The following FAM184A variants were observed in gnomAD, a reference collection of about 807,000 sequenced individuals.
FAM184A encodes the protein protein FAM184A.
A neutral mutation model predicts 143.8 loss-of-function variants in FAM184A; 99 were observed. The ratio of observed to expected loss-of-function variants is 0.69; its 90% CI spans 0.58 to 0.81. The LOEUF (loss-of-function observed/expected upper bound fraction) is 0.81, where lower values mean the gene tolerates loss of function less well. FAM184A is among the 40% of genes least tolerant of loss of function. The pLI is 0.00. For missense variants in FAM184A, 1,217 were observed against 1,310.5 expected, an observed-to-expected ratio of 0.93 and a Z score of 1.10; for synonymous variants, 427 against 446.4, an observed-to-expected ratio of 0.96 and a Z score of 0.55.
Position 119,042,306 on chromosome 6 carries a change from C to G in FAM184A, c.160-17493G>C, listed in dbSNP as rs530552059. Among the ~76,000 whole-genome samples the G allele has an allele frequency of 2.0e-5, 3 of 152,318 alleles. No individual in the cohort carries two copies. In the South Asian group the frequency reaches 6.2e-4, roughly 32 times the overall value. ...TCCTCTGTTCTCTCTTCACAAGTGGCAGATGGGTAATCATGTGTCCACACT... is the reference window on the plus strand; with the variant it reads ...TCCTCTGTTCTCTCTTCACAAGTGGGAGATGGGTAATCATGTGTCCACACT... On this transcript the variant is annotated intron_variant, in intron 1 of 17. Transcript: ENST00000338891.
intron 14 of FAM184A, among the ~76,000 whole-genome samples, chr6:118,967,409 G>A (rs1783533676): frequency 6.6e-6 from 1 of 152,108 alleles, no homozygotes; most frequent in African/African-American, 2.4e-5. Context: ...AAATACAGAT[G>A]AAAGCAAAAC....
At chr6:118,978,741 G>A (rs1374228384) in intron 11 of FAM184A, among the ~76,000 whole-genome samples, 1 of 151,148 alleles carries the variant, frequency 6.6e-6, no homozygotes, top group African/African-American at 2.4e-5. Flanking sequence ...ATGACAACAT[G>A]TTAAAAATAT....
At chr6:119,049,714 C>G (rs757474099) in intron 1 of FAM184A, among the ~76,000 whole-genome samples, 23 of 152,176 alleles carry the variant, frequency 1.5e-4, no homozygotes, top group South Asian at 8.3e-4. Context: ...AATGTAAAAC[C>G]CAAAACTATA....
chr6:119,020,834 C>T (rs888478626), intron 3 of FAM184A, among the ~76,000 whole-genome samples: 1 of 152,036 alleles, frequency 6.6e-6, no homozygotes, highest in South Asian at 2.1e-4. Flanking sequence ...TGCAACATAG[C>T]GAGACCTCAT....
intron 1 of FAM184A, among the ~76,000 whole-genome samples, chr6:119,125,740 T>A (rs1789346788): frequency 6.6e-6 from 1 of 152,152 alleles, no homozygotes; most frequent in South Asian, 2.1e-4. Flanking sequence ...AGTGGACCAA[T>A]AGGTCAACTT....
intron 9 of FAM184A, among the ~76,000 whole-genome samples, chr6:118,980,863 T>G (rs559642157): frequency 1.3e-5 from 2 of 152,340 alleles, no homozygotes; most frequent in African/African-American, 4.8e-5. Flanking sequence ...GACTCTGGCA[T>G]GTACTAAGCA....
At chr6:118,973,180 C>G (rs1250815819) in intron 14 of FAM184A, among the ~76,000 whole-genome samples, 1 of 152,130 alleles carries the variant, frequency 6.6e-6, no homozygotes, top group Admixed American at 6.5e-5. Context: ...ACAGCATACT[C>G]AAGTAAATAA....
intron 1 of FAM184A, among the ~76,000 whole-genome samples, chr6:119,034,579 T>TA (rs200951968): frequency 0.1 from 10,309 of 100,922 alleles, 605 homozygotes; most frequent in African/African-American, 0.2. Flanking sequence ...TTTTTTTTTT[T>TA]TAAAAAAACC....
At position 118,991,855 on chromosome 6, in the gene FAM184A, C is replaced by G. The variant is rs74383342; in HGVS notation, c.2088+11044G>C. Among the ~76,000 whole-genome samples, 3 of 143,508 alleles carry G rather than the reference C, an allele frequency of 2.1e-5. No homozygotes were observed. In the East Asian group the frequency reaches 6.6e-4, roughly 31 times the overall value. The allele number at this position is 143,508 out of a possible 152,430, so 94.1% of individuals were successfully genotyped here. A position where few individuals can be genotyped will look rare whatever the true frequency, so the allele number is the denominator to read the frequency against. On this transcript the variant is annotated intron_variant, in intron 9 of 17. Transcript: ENST00000338891. ...TCGGCTCTCTGCAAGCTCCGCCTCCCGGGTTCATGTCATTCTCCTGCCTCA... is the reference window on the plus strand; with the variant it reads ...TCGGCTCTCTGCAAGCTCCGCCTCCGGGGTTCATGTCATTCTCCTGCCTCA...
At chr6:118,975,284 G>T in intron 12 of FAM184A, 76 bp from the exon 13 acceptor site, 1 of 1,024,934 alleles carries the variant, frequency 9.8e-7, no homozygotes, top group South Asian at 1.7e-5. Flanking sequence ...GAAAGAAAAT[G>T]ACACACTGGA....
At chr6:119,057,794 G>A (rs74922038) in intron 1 of FAM184A, 3,993 of 150,596 alleles carry the variant, frequency 0.027, 67 homozygotes, top group Non-Finnish European at 0.039. Context: ...GCAAAGGAGA[G>A]GTCTTTCTTA....
chr6:119,046,684 T>C (rs1311146867), intron 1 of FAM184A, among the ~76,000 whole-genome samples: 2 of 152,196 alleles, frequency 1.3e-5, no homozygotes, highest in African/African-American at 4.8e-5. Flanking sequence ...GACTAACATT[T>C]CTTTAGTATT....
At chr6:119,049,317 G>A (rs920933266) in intron 1 of FAM184A, among the ~76,000 whole-genome samples, 15 of 152,044 alleles carry the variant, frequency 9.9e-5, no homozygotes, top group African/African-American at 1.2e-4. Context: ...GCGTGGTGGC[G>A]GGCACCTATA....
chr6:119,147,294 G>A (rs1197897791), intron 1 of FAM184A, among the ~76,000 whole-genome samples: 2 of 141,306 alleles, frequency 1.4e-5, no homozygotes, highest in African/African-American at 2.6e-5. Flanking sequence ...GGGTCTGATC[G>A]ATGATACAAC....
intron 1 of FAM184A, among the ~76,000 whole-genome samples, chr6:119,087,027 C>T (rs987024103): frequency 1.3e-4 from 20 of 152,070 alleles, no homozygotes; most frequent in Non-Finnish European, 2.1e-4. Context: ...TCCTAGCACA[C>T]GATACATGGT....
chr6:119,073,569 G>A (rs1202083606), intron 1 of FAM184A, among the ~76,000 whole-genome samples: 1 of 152,182 alleles, frequency 6.6e-6, no homozygotes, highest in South Asian at 2.1e-4. Context: ...GCTTCAAGAA[G>A]ATTACAGAGT....
chr6:119,101,933 G>A (rs1279941939), intron 1 of FAM184A, among the ~76,000 whole-genome samples: 2 of 152,094 alleles, frequency 1.3e-5, no homozygotes, highest in Non-Finnish European at 2.9e-5. Flanking sequence ...GCGTGTGCCT[G>A]TAATCCCAGC....
At chr6:119,117,683 A>G (rs1441107169) in intron 1 of FAM184A, among the ~76,000 whole-genome samples, 3 of 152,214 alleles carry the variant, frequency 2.0e-5, no homozygotes, top group Non-Finnish European at 4.4e-5. Flanking sequence ...CAGTAGGATT[A>G]TCATTTTTTA....
intron 1 of FAM184A, among the ~76,000 whole-genome samples, chr6:119,044,868 A>C (rs1786470004): frequency 6.6e-6 from 1 of 152,190 alleles, no homozygotes; most frequent in Admixed American, 6.5e-5. Context: ...TGATATCATT[A>C]AGGTATGTGG....
Sources: gnomAD v4.1 joint callset for allele counts (sites outside exome capture counted in the v4.1 genomes callset) on GRCh38, gnomAD v4.1.1 for gene constraint, MANE v1.5 for transcripts, NCBI Gene and HGNC (gene_info 2026-07-23, HGNC 2026-07-21) for gene names.